The following CHM variants were observed in gnomAD, a reference collection of about 807,000 sequenced individuals.
The protein encoded by CHM is CHM Rab escort protein, also known as rab proteins geranylgeranyltransferase component A 1.
A neutral mutation model predicts 49.0 loss-of-function variants in CHM; 10 were observed. That is an observed-to-expected ratio of 0.20 (90% CI 0.13 to 0.35). The LOEUF is 0.35. Among genes scored for constraint, CHM ranks in the 10% least tolerant of loss-of-function variants. The pLI is 1.00. For missense variants in CHM, 455 were observed against 478.4 expected, an observed-to-expected ratio of 0.95 and a Z score of 0.46; for synonymous variants, 184 against 167.5, an observed-to-expected ratio of 1.10 and a Z score of -0.76.
At chrX:85,932,661 T>C (rs1173778035) in intron 8 of CHM, among the ~76,000 whole-genome samples, 2 of 112,098 alleles carry the variant, frequency 1.8e-5, no homozygotes, top group African/African-American at 6.5e-5. Context: ...ACATTAAAAC[T>C]TTCATGTCCT....
At chrX:85,981,206 CTA>C (rs1284378299) in intron 3 of CHM, among the ~76,000 whole-genome samples, 2 of 54,324 alleles carry the variant, frequency 3.7e-5, no homozygotes, top group Non-Finnish European at 3.7e-5. Context: ...ATTTCTATTT[CTA>C]TATATATATA....
At chrX:85,892,334 C>G (rs983459486) in intron 12 of CHM, among the ~76,000 whole-genome samples, 5 of 111,231 alleles carry the variant, frequency 4.5e-5, no homozygotes, top group Middle Eastern at 4.6e-3. Flanking sequence ...GAAATCTCAA[C>G]TTGAATTGTA....
In CHM at chrX:85,861,231, T is replaced by C. The variant is rs1356792793; in HGVS notation, c.*3399A>G. 8.9e-6 allele frequency: 1 copy of C among 112,351 alleles called. No homozygotes were observed. The highest frequency in any genetic ancestry group is 3.2e-5 in the African/African-American group (1 of 30,945). The allele number at this position is 112,351 out of a possible 1,213,427, so 9.3% of individuals were successfully genotyped here. On this transcript the variant is annotated 3_prime_UTR_variant, in exon 15 of 15. Coordinates refer to ENST00000357749, the MANE Select transcript of CHM (RefSeq NM_000390.4). ...CCTCTGAAAACTTACTGGTAAAGTA[T>C]ACAATTTATGAATAATCATATATTC...
intron 8 of CHM, among the ~76,000 whole-genome samples, chrX:85,929,638 CATAAG>C (rs924086366): frequency 1.8e-5 from 2 of 111,974 alleles, no homozygotes; most frequent in Non-Finnish European, 3.8e-5. Flanking sequence ...TCTAAATACG[CATAAG>C]ATAAAACAGC....
intron 8 of CHM, among the ~76,000 whole-genome samples, chrX:85,919,321 T>G (rs1214007821): frequency 2.7e-5 from 3 of 111,601 alleles, no homozygotes; most frequent in Non-Finnish European, 3.8e-5. Flanking sequence ...AATAATCCAC[T>G]TAACCAAAAT....
At chrX:85,879,910 C>T (rs1924656632) in intron 12 of CHM, among the ~76,000 whole-genome samples, 1 of 109,452 alleles carries the variant, frequency 9.1e-6, no homozygotes, top group Non-Finnish European at 1.9e-5. Context: ...GAGAAAGATA[C>T]ACCCACTTCT....
At chrX:85,878,555 CT>C (rs1323301440) in intron 13 of CHM, among the ~76,000 whole-genome samples, 4 of 110,523 alleles carry the variant, frequency 3.6e-5, no homozygotes, top group Non-Finnish European at 7.6e-5. Context: ...TTAGTTGAAT[CT>C]TTTTTCCTTA....
At chrX:85,895,158 T>A (rs1282383625) in intron 11 of CHM, among the ~76,000 whole-genome samples, 2 of 97,280 alleles carry the variant, frequency 2.1e-5, no homozygotes, top group Admixed American at 1.1e-4. Context: ...TTTTTTGAGA[T>A]GGAGTCTCAC....
chrX:85,880,264 G>A lies in CHM; in HGVS notation c.1511-1201C>T, dbSNP rs192740784. Among the ~76,000 whole-genome samples, 5 of 111,536 alleles carry A rather than the reference G, an allele frequency of 4.5e-5. No individual in the cohort carries two copies. In the East Asian group the frequency reaches 1.4e-3, roughly 32 times the overall value. On this transcript the variant is annotated intron_variant, in intron 12 of 14. Coordinates refer to ENST00000357749, the MANE Select transcript of CHM (RefSeq NM_000390.4). ...CATTGGTTCTGGGATACTGTAGGAT[G>A]TATGGTACTAATTATTTCCAAAGAT...
intron 1 of CHM, among the ~76,000 whole-genome samples, chrX:86,037,695 T>C (rs984242099): frequency 3.6e-5 from 4 of 111,497 alleles, no homozygotes; most frequent in Non-Finnish European, 5.7e-5. Context: ...CAAAAAACCC[T>C]TCCCCTTTAT....
At chrX:85,914,900 C>T (rs929177671) in intron 8 of CHM, among the ~76,000 whole-genome samples, 4 of 111,102 alleles carry the variant, frequency 3.6e-5, no homozygotes, top group African/African-American at 1.3e-4. Context: ...CAGGCCTGGT[C>T]CCAGCCACCT....
intron 2 of CHM, 92 bp downstream of exon 2, chrX:86,027,399 T>C (rs1436834970): frequency 8.5e-6 from 6 of 708,637 alleles, no homozygotes; most frequent in African/African-American, 2.1e-5. Context: ...CACATACATG[T>C]ACATACGTAC....
At chrX:86,046,429 T>C (rs1934655924) in intron 1 of CHM, among the ~76,000 whole-genome samples, 1 of 112,166 alleles carries the variant, frequency 8.9e-6, no homozygotes, top group East Asian at 2.8e-4. Flanking sequence ...GCACAGTGAT[T>C]AGGAAATTTT....
intron 2 of CHM, chrX:86,027,181 C>T (rs926112538): frequency 1.1e-5 from 3 of 277,472 alleles, no homozygotes; most frequent in African/African-American, 8.3e-5. Context: ...GGAAAAGGGG[C>T]AGGCATGAGG....
chrX:86,015,428 G>A (rs1933255485), intron 2 of CHM, among the ~76,000 whole-genome samples: 1 of 111,649 alleles, frequency 9.0e-6, no homozygotes, highest in South Asian at 3.8e-4. Context: ...TATCAGTAGC[G>A]TGAAAACAGA....
chrX:85,975,747 T>A (rs1027975023), intron 4 of CHM, among the ~76,000 whole-genome samples: 2 of 112,323 alleles, frequency 1.8e-5, no homozygotes, highest in African/African-American at 6.5e-5. Context: ...GTAACTTGAC[T>A]GTGACAGTGA....
intron 2 of CHM, among the ~76,000 whole-genome samples, chrX:86,022,458 G>C (rs986846698): frequency 9.1e-6 from 1 of 109,692 alleles, no homozygotes; most frequent in Admixed American, 9.7e-5. Context: ...TTCAAGGAGT[G>C]AAGTCGCCAT....
At chrX:86,030,388 G>C (rs977849660) in intron 1 of CHM, among the ~76,000 whole-genome samples, 1 of 112,041 alleles carries the variant, frequency 8.9e-6, no homozygotes, top group African/African-American at 3.2e-5. Context: ...TCTTGGCCAA[G>C]ATTTCATATT....
intron 5 of CHM, among the ~76,000 whole-genome samples, chrX:85,962,889 T>C (rs2147674052): frequency 8.9e-6 from 1 of 112,001 alleles, no homozygotes; most frequent in Non-Finnish European, 1.9e-5. Context: ...TCAAGTTAGT[T>C]ATGTTCAGGA....
Sources: allele counts gnomAD v4.1 joint callset (sites outside exome capture counted in the v4.1 genomes callset), GRCh38; gene constraint gnomAD v4.1.1; transcripts MANE v1.5; gene names NCBI Gene and HGNC (gene_info 2026-07-23, HGNC 2026-07-21).